Variants in TMEM164 observed in about 807,000 individuals in gnomAD.
TMEM164 encodes the protein RP13-360B22.2.
Under a neutral mutation model 18.8 loss-of-function variants are expected in TMEM164, and 4 were observed. That is an observed-to-expected ratio of 0.21 (90% CI 0.10 to 0.49). The LOEUF is 0.49. Ranked by LOEUF, TMEM164 falls within the 20% of genes least tolerant of loss-of-function variation. The pLI, the probability that TMEM164 is intolerant of heterozygous loss-of-function variation, is 0.98. For missense variants in TMEM164, 108 were observed against 239.9 expected (o/e 0.45, Z 3.63); for synonymous variants, 86 against 101.7 (o/e 0.85, Z 0.93).
chrX:110,183,524 T>C (rs1436042604), downstream of TMEM164, among the ~76,000 whole-genome samples: 1 of 112,094 alleles, frequency 8.9e-6, no homozygotes, highest in East Asian at 2.8e-4. Flanking sequence ...GAGGATTGAA[T>C]AGAAAAGGCA....
intron 2 of TMEM164, chrX:110,065,225 T>A (rs750929794): frequency 1.8e-5 from 2 of 111,039 alleles, no homozygotes; most frequent in Admixed American, 1.9e-4. Flanking sequence ...TAAGGGAAAT[T>A]TGTCCCCGAA....
chrX:110,061,798 C>T (rs890885125), intron 2 of TMEM164, among the ~76,000 whole-genome samples: 2 of 111,133 alleles, frequency 1.8e-5, no homozygotes, highest in Admixed American at 1.9e-4. Flanking sequence ...CCAGAATGGG[C>T]GTTTAACCGT....
intron 3 of TMEM164, among the ~76,000 whole-genome samples, chrX:110,095,719 A>G (rs1201602870): frequency 1.8e-5 from 2 of 112,217 alleles, no homozygotes; most frequent in Admixed American, 9.4e-5. Flanking sequence ...GCTTTGTTCC[A>G]TTGCTAGCGA....
chrX:110,095,298 C>T (rs1293590398), intron 3 of TMEM164, among the ~76,000 whole-genome samples: 5 of 112,114 alleles, frequency 4.5e-5, no homozygotes, highest in Non-Finnish European at 9.4e-5. Flanking sequence ...CCATTCTCCC[C>T]ATCACTTTCA....
chrX:110,181,496 A>G (rs2067323829), downstream of TMEM164, among the ~76,000 whole-genome samples: 1 of 112,553 alleles, frequency 8.9e-6, no homozygotes, highest in Admixed American at 9.3e-5. Flanking sequence ...TCTGTTTTGT[A>G]TATTGAGGTT....
At position 110,174,012 on chromosome X, in the gene TMEM164, G is replaced by A. The variant is rs1161653446; in HGVS notation, c.*561G>A. ...AGAACCAGCCAGATTCTGGTCACTG[G>A]TGTCCCATGACTCAAAGTAAACAGC... On this transcript the variant is annotated 3_prime_UTR_variant, in exon 7 of 7. Coordinates refer to ENST00000372068, the MANE Select transcript of TMEM164 (RefSeq NM_032227.4). The A allele has an allele frequency of 8.9e-6, 1 of 111,833 alleles. No individual in the cohort carries two copies. Among genetic ancestry groups the A allele is most frequent in the African/African-American group, 3.3e-5 (1 of 30,428 alleles). 9.2% of individuals were successfully genotyped at this position (111,833 alleles called of 1,213,427 possible).
chrX:110,131,753 T>G (rs1247213910), intron 4 of TMEM164, among the ~76,000 whole-genome samples: 1 of 112,193 alleles, frequency 8.9e-6, no homozygotes, highest in Non-Finnish European at 1.9e-5. Flanking sequence ...AATACTAACT[T>G]TCCCTTATTG....
chrX:110,165,160 T>A (rs755807174), intron 5 of TMEM164, among the ~76,000 whole-genome samples: 12 of 112,911 alleles, frequency 1.1e-4, no homozygotes, highest in Non-Finnish European at 1.9e-4. Flanking sequence ...TTGCCTTTAC[T>A]GTACCCCTAT....
chrX:110,137,661 T>C (rs978247410), intron 4 of TMEM164, among the ~76,000 whole-genome samples: 1 of 111,798 alleles, frequency 8.9e-6, no homozygotes, highest in Non-Finnish European at 1.9e-5. Context: ...CTACAGGGCC[T>C]CCCATGATCT....
chrX:110,018,442 G>A (rs1005670295), intron 2 of TMEM164, among the ~76,000 whole-genome samples: 2 of 112,073 alleles, frequency 1.8e-5, no homozygotes, highest in African/African-American at 3.2e-5. Flanking sequence ...ATAGAGTGTG[G>A]TAGTTAAAAG....
At chrX:110,084,995 C>T (rs2065829784) in intron 3 of TMEM164, among the ~76,000 whole-genome samples, 2 of 110,511 alleles carry the variant, frequency 1.8e-5, no homozygotes, top group Admixed American at 9.7e-5. Context: ...GCTTTCTATA[C>T]CTGTTTCATA....
chrX:110,144,642 C>CT (rs202188782), intron 4 of TMEM164, among the ~76,000 whole-genome samples, 156 bp from the exon 5 acceptor site: 26 of 107,610 alleles, frequency 2.4e-4, no homozygotes, highest in South Asian at 1.6e-3. Context: ...TCATTTTGTT[C>CT]TTTTTTTTTT....
intron 3 of TMEM164, among the ~76,000 whole-genome samples, chrX:110,081,153 A>G (rs891005018): frequency 1.8e-5 from 2 of 111,075 alleles, no homozygotes; most frequent in Admixed American, 9.7e-5. Context: ...TTACATTAGT[A>G]TTGTTCTTTA....
At chrX:110,180,449 A>G (rs1414443841), downstream of TMEM164, among the ~76,000 whole-genome samples, 1 of 111,713 alleles carries the variant, frequency 9.0e-6, no homozygotes, top group Non-Finnish European at 1.9e-5. Context: ...GGCAAGGCCA[A>G]TGTAGTCTAA....
intron 2 of TMEM164, among the ~76,000 whole-genome samples, chrX:110,038,877 T>TA (rs1304483451): frequency 3.6e-5 from 4 of 110,377 alleles, no homozygotes; most frequent in Non-Finnish European, 7.6e-5. Context: ...GAATTTTTTT[T>TA]AAAAAACTAC....
rs1935618504 is a variant in TMEM164 at position 110,052,749 on chromosome X, T to G, written c.391-14598T>G. 3.2e-5 allele frequency among the ~76,000 whole-genome samples: 3 copies of G among 94,949 alleles called. No individual in the cohort carries two copies. In the South Asian group the frequency reaches 1.7e-3, roughly 53 times the overall value. 82.5% of individuals were successfully genotyped at this position (94,949 alleles called of 115,157 possible). A position where few individuals can be genotyped will look rare whatever the true frequency, so the allele number is the denominator to read the frequency against. ...GAACAGCATTTACATGCATCTGTTT[T>G]TTTTTTTTTTTTTTTTTTTGAGACG... On this transcript the variant is annotated intron_variant, in intron 2 of 6. Coordinates refer to ENST00000372068, the MANE Select transcript of TMEM164 (RefSeq NM_032227.4).
At chrX:110,092,609 G>C (rs191042680) in intron 3 of TMEM164, among the ~76,000 whole-genome samples, 22 of 111,993 alleles carry the variant, frequency 2.0e-4, no homozygotes, top group Admixed American at 1.9e-3. Flanking sequence ...GAGATTTGGG[G>C]CTGAGATGAT....
intron 5 of TMEM164, among the ~76,000 whole-genome samples, chrX:110,148,575 T>C (rs1240918403): frequency 9.1e-6 from 1 of 109,528 alleles, no homozygotes; most frequent in Non-Finnish European, 1.9e-5. Context: ...AGTGGTGCAA[T>C]CACGACTCAT....
At chrX:110,047,118 C>A (rs1348007513) in intron 2 of TMEM164, among the ~76,000 whole-genome samples, 1 of 111,847 alleles carries the variant, frequency 8.9e-6, no homozygotes, top group Non-Finnish European at 1.9e-5. Context: ...TGGAGGGTAG[C>A]TCTGGGAAAT....
Sources: gnomAD v4.1 joint callset for allele counts (sites outside exome capture counted in the v4.1 genomes callset) on GRCh38, gnomAD v4.1.1 for gene constraint, MANE v1.5 for transcripts, NCBI Gene and HGNC (gene_info 2026-07-23, HGNC 2026-07-21) for gene names.